ADAM10: variants seen among roughly 807,000 people sequenced by gnomAD.
ADAM10 encodes the protein disintegrin and metalloproteinase domain-containing protein 10.
In ADAM10, 17 loss-of-function variants were observed where a neutral mutation model predicts 90.1. The ratio of observed to expected loss-of-function variants is 0.19; its 90% CI spans 0.13 to 0.28. The LOEUF is 0.28. Ranked by LOEUF, ADAM10 falls within the 10% of genes least tolerant of loss-of-function variation. ADAM10 has a pLI of 1.00. For synonymous variants in ADAM10, 310 were observed against 298.6 expected (o/e 1.04, Z -0.40); for missense variants, 610 against 914.3 (o/e 0.67, Z 4.29).
At chr15:58,725,782 A>G (rs1295624655) in intron 1 of ADAM10, among the ~76,000 whole-genome samples, 1 of 152,094 alleles carries the variant, frequency 6.6e-6, no homozygotes, top group Non-Finnish European at 1.5e-5. Flanking sequence ...ACTACAAGAA[A>G]AAAAGAACTC....
At chr15:58,613,884 G>A (rs1370040068) in intron 11 of ADAM10, among the ~76,000 whole-genome samples, 3 of 152,190 alleles carry the variant, frequency 2.0e-5, no homozygotes, top group Non-Finnish European at 4.4e-5. Flanking sequence ...GGGAGGCTGA[G>A]GTGGGAGGAT....
chr15:58,621,974 A>G (rs1316999137), intron 10 of ADAM10, among the ~76,000 whole-genome samples: 1 of 145,086 alleles, frequency 6.9e-6, no homozygotes, highest in South Asian at 2.1e-4. Flanking sequence ...ACTAACCAGG[A>G]AAAAAAAAAA....
chr15:58,687,779 T>C (rs751234634), intron 2 of ADAM10, among the ~76,000 whole-genome samples: 5 of 152,176 alleles, frequency 3.3e-5, no homozygotes, highest in Non-Finnish European at 7.3e-5. Context: ...AAAAAAATTA[T>C]GCTGAGTGGA....
intron 1 of ADAM10, among the ~76,000 whole-genome samples, chr15:58,744,902 G>A (rs1409510163): frequency 6.6e-6 from 1 of 152,218 alleles, no homozygotes; most frequent in African/African-American, 2.4e-5. Context: ...TGTATTCCCA[G>A]CGGGGCGCAG....
chr15:58,612,352 T>A (rs1417948870), intron 11 of ADAM10, among the ~76,000 whole-genome samples: 1 of 152,040 alleles, frequency 6.6e-6, no homozygotes, highest in Non-Finnish European at 1.5e-5. Flanking sequence ...ACACAGTAAC[T>A]CACATCCCAG....
In ADAM10 at chr15:58,590,037, A is replaced by C. The variant is rs1395949955; in HGVS notation, c.*7510T>G. On this transcript the variant is annotated 3_prime_UTR_variant, in exon 16 of 16. Coordinates refer to ENST00000260408, the MANE Select transcript of ADAM10 (RefSeq NM_001110.4). ...ACCTTTCCCCAAAGAAAAATCAGCTATCAGTGCCCAGTATATAACCAATCG... is the reference window on the plus strand; with the variant it reads ...ACCTTTCCCCAAAGAAAAATCAGCTCTCAGTGCCCAGTATATAACCAATCG... 2 of 152,236 alleles carry C rather than the reference A, an allele frequency of 1.3e-5. No homozygotes were observed. Among genetic ancestry groups the C allele is most frequent in the African/African-American group, 4.8e-5 (2 of 41,464 alleles). The allele number at this position is 152,236 out of a possible 1,614,324, so 9.4% of individuals were successfully genotyped here.
At chr15:58,693,745 C>T (rs1227241154) in intron 2 of ADAM10, among the ~76,000 whole-genome samples, 3 of 142,178 alleles carry the variant, frequency 2.1e-5, no homozygotes, top group African/African-American at 5.5e-5. Context: ...TCAAAACTTC[C>T]GCTGAGAAAT....
intron 7 of ADAM10, among the ~76,000 whole-genome samples, chr15:58,641,956 G>A (rs920672990): frequency 6.6e-6 from 1 of 152,030 alleles, no homozygotes; most frequent in Non-Finnish European, 1.5e-5. Context: ...ACCATTGAGG[G>A]CAACTGCTTA....
At chr15:58,712,596 G>T (rs909205983) in intron 2 of ADAM10, among the ~76,000 whole-genome samples, 4 of 151,824 alleles carry the variant, frequency 2.6e-5, no homozygotes, top group African/African-American at 9.7e-5. Context: ...AAGGTGGGCG[G>T]ATCATGAGGT....
intron 9 of ADAM10, among the ~76,000 whole-genome samples, chr15:58,628,870 A>C (rs1283304186): frequency 1.3e-5 from 2 of 152,176 alleles, no homozygotes; most frequent in Non-Finnish European, 2.9e-5. Context: ...TTCATTTTCT[A>C]TTCCCTCTTC....
chr15:58,678,115 T>C (rs1897336240), intron 4 of ADAM10, among the ~76,000 whole-genome samples: 1 of 152,136 alleles, frequency 6.6e-6, no homozygotes, highest in Non-Finnish European at 1.5e-5. Context: ...TAGTGGTGAA[T>C]GAAAATACAG....
intron 1 of ADAM10, among the ~76,000 whole-genome samples, chr15:58,731,878 G>T (rs1053931625): frequency 6.6e-6 from 1 of 152,132 alleles, no homozygotes; most frequent in African/African-American, 2.4e-5. Flanking sequence ...TGGACAAGGG[G>T]AACATTCTCT....
chr15:58,746,909 C>T (rs917068014), intron 1 of ADAM10, among the ~76,000 whole-genome samples: 1 of 152,096 alleles, frequency 6.6e-6, no homozygotes, highest in Non-Finnish European at 1.5e-5. Context: ...TGGTAGATTC[C>T]GACTCAGAGT....
At chr15:58,721,175 T>C (rs1898840387) in intron 1 of ADAM10, among the ~76,000 whole-genome samples, 1 of 152,226 alleles carries the variant, frequency 6.6e-6, no homozygotes, top group Non-Finnish European at 1.5e-5. Context: ...AAAGTCATCT[T>C]TTCTCTGTCC....
chr15:58,725,731 C>G (rs1259490297), intron 1 of ADAM10, among the ~76,000 whole-genome samples: 1 of 151,928 alleles, frequency 6.6e-6, no homozygotes, highest in Non-Finnish European at 1.5e-5. Context: ...ACAGCACACT[C>G]TATGTTAAGT....
At chr15:58,598,759 G>C (rs1895027640) in intron 15 of ADAM10, among the ~76,000 whole-genome samples, 1 of 152,098 alleles carries the variant, frequency 6.6e-6, no homozygotes, top group Non-Finnish European at 1.5e-5. Context: ...CAATACGAAG[G>C]GTTTATTTCC....
intron 14 of ADAM10, among the ~76,000 whole-genome samples, chr15:58,608,205 T>A (rs1046373887): frequency 5.3e-5 from 8 of 152,144 alleles, no homozygotes; most frequent in African/African-American, 1.2e-4. Context: ...TACTCTACCC[T>A]GCATGAGGAG....
chr15:58,633,723 T>C (rs1458089035), intron 8 of ADAM10, among the ~76,000 whole-genome samples: 1 of 152,188 alleles, frequency 6.6e-6, no homozygotes, highest in East Asian at 1.9e-4. Context: ...TCCTTTCATC[T>C]TTTAAAAAGA....
chr15:58,646,033 A>C, intron 6 of ADAM10, 22 bp downstream of exon 6: 1 of 1,612,458 alleles, frequency 6.2e-7, no homozygotes, highest in South Asian at 1.1e-5. Flanking sequence ...GAACTACTAA[A>C]ATAGCGCATA....
Sources: allele counts gnomAD v4.1 joint callset (sites outside exome capture counted in the v4.1 genomes callset), GRCh38; gene constraint gnomAD v4.1.1; transcripts MANE v1.5; gene names NCBI Gene and HGNC (gene_info 2026-07-23, HGNC 2026-07-21).